The following GALNT13 variants were observed in gnomAD, a reference collection of about 807,000 sequenced individuals.
GALNT13 encodes the protein polypeptide N-acetylgalactosaminyltransferase 13.
GALNT13 carries 28 observed loss-of-function variants against 64.2 expected under a neutral mutation model. The observed-to-expected ratio is 0.44, with a 90% confidence interval of 0.32 to 0.60. The LOEUF is 0.60. GALNT13 is among the 20% of genes least tolerant of loss of function. The pLI is 0.05. For synonymous variants in GALNT13, 214 were observed against 224.6 expected (o/e 0.95, Z 0.42); for missense variants, 577 against 669.8 (o/e 0.86, Z 1.53).
chr2:153,283,103 G>A, the GALNT13 span, among the ~76,000 whole-genome samples: 1 of 152,124 alleles, frequency 6.6e-6, no homozygotes, highest in Admixed American at 6.5e-5. Context: ...ATCCATGGAG[G>A]GCTCAGTGGT....
intron 4 of GALNT13, among the ~76,000 whole-genome samples, chr2:154,221,586 GGTTCTCC>G (rs1688325652): frequency 2.0e-5 from 3 of 152,020 alleles, no homozygotes; most frequent in Admixed American, 2.0e-4. Flanking sequence ...AAGTGCAGTA[GGTTCTCC>G]TTAGAGAATG....
the GALNT13 span, among the ~76,000 whole-genome samples, chr2:153,643,675 C>T: frequency 6.6e-6 from 1 of 151,784 alleles, no homozygotes. Flanking sequence ...TAAGTCTGAT[C>T]TCATTTAGCA....
chr2:153,392,186 T>G, the GALNT13 span, among the ~76,000 whole-genome samples: 1 of 150,882 alleles, frequency 6.6e-6, no homozygotes, highest in Non-Finnish European at 1.5e-5. Flanking sequence ...ACAAACACAA[T>G]TACAGTACTT....
At chr2:154,390,312 T>C (rs915635161) in intron 9 of GALNT13, among the ~76,000 whole-genome samples, 5 of 152,148 alleles carry the variant, frequency 3.3e-5, no homozygotes, top group African/African-American at 1.2e-4. Flanking sequence ...GTTGTACAGA[T>C]TATTTTATCA....
chr2:154,207,297 G>A (rs192776776), intron 4 of GALNT13, among the ~76,000 whole-genome samples: 285 of 152,140 alleles, frequency 1.9e-3, no homozygotes, highest in African/African-American at 5.9e-3. Context: ...TCCATAACCT[G>A]CTCTTCTCCA....
chr2:154,005,650 T>G (rs1176537704), intron 3 of GALNT13, among the ~76,000 whole-genome samples: 1 of 152,180 alleles, frequency 6.6e-6, no homozygotes, highest in East Asian at 1.9e-4. Flanking sequence ...CAGCTTAAAT[T>G]GACTAATTCC....
the GALNT13 span, among the ~76,000 whole-genome samples, chr2:153,094,309 G>T: frequency 6.6e-6 from 1 of 151,748 alleles, no homozygotes; most frequent in Admixed American, 6.6e-5. Flanking sequence ...ATATGTTTTG[G>T]TATGTTGTGT....
At chr2:153,190,082 A>C in the GALNT13 span, among the ~76,000 whole-genome samples, 1 of 152,074 alleles carries the variant, frequency 6.6e-6, no homozygotes, top group South Asian at 2.1e-4. Context: ...GCTGTTGCAG[A>C]AGTTGTTTAG....
chr2:153,260,222 T>C, the GALNT13 span, among the ~76,000 whole-genome samples: 18 of 152,374 alleles, frequency 1.2e-4, no homozygotes, highest in South Asian at 3.5e-3. Context: ...TCTTTCTACT[T>C]AAGATATGAG....
the GALNT13 span, among the ~76,000 whole-genome samples, chr2:153,181,800 A>G: frequency 6.9e-6 from 1 of 145,940 alleles, no homozygotes; most frequent in African/African-American, 2.5e-5. Flanking sequence ...TTATATAAAT[A>G]TACTTACATA....
chr2:154,360,868 C>A (rs545661424), intron 9 of GALNT13, among the ~76,000 whole-genome samples: 107 of 151,786 alleles, frequency 7.0e-4, no homozygotes, highest in Non-Finnish European at 1.1e-3. Context: ...ATTAATCCAG[C>A]CAAAAAGGGT....
At chr2:153,303,941 G>A in the GALNT13 span, among the ~76,000 whole-genome samples, 1 of 151,942 alleles carries the variant, frequency 6.6e-6, no homozygotes, top group Non-Finnish European at 1.5e-5. Context: ...CATTGCCGGT[G>A]AGTACAATGC....
chr2:153,678,819 A>T, the GALNT13 span, among the ~76,000 whole-genome samples: 2 of 151,994 alleles, frequency 1.3e-5, no homozygotes, highest in Admixed American at 6.6e-5. Context: ...TTGTCAAGGG[A>T]CAGACAGGGG....
chr2:153,660,641 A>G, the GALNT13 span, among the ~76,000 whole-genome samples: 1 of 151,572 alleles, frequency 6.6e-6, no homozygotes, highest in African/African-American at 2.4e-5. Flanking sequence ...TGAAATATCT[A>G]TGGCTTACAA....
At chr2:154,122,505 C>CT (rs1401944767) in intron 3 of GALNT13, among the ~76,000 whole-genome samples, 1 of 151,862 alleles carries the variant, frequency 6.6e-6, no homozygotes, top group African/African-American at 2.4e-5. Flanking sequence ...AATTGGTATT[C>CT]TTTTTTCTTA....
intron 9 of GALNT13, among the ~76,000 whole-genome samples, chr2:154,353,110 C>A (rs1485232694): frequency 6.6e-6 from 1 of 152,084 alleles, no homozygotes; most frequent in Non-Finnish European, 1.5e-5. Flanking sequence ...TGTTGTGCAG[C>A]TTTTGTCAAG....
chr2:153,602,518 G>A, the GALNT13 span, among the ~76,000 whole-genome samples: 3 of 151,590 alleles, frequency 2.0e-5, no homozygotes, highest in African/African-American at 7.3e-5. Flanking sequence ...GAGGGAATTA[G>A]CCATGTGGAC....
At chr2:153,302,734 A>G in the GALNT13 span, among the ~76,000 whole-genome samples, 1 of 152,100 alleles carries the variant, frequency 6.6e-6, no homozygotes, top group Non-Finnish European at 1.5e-5. Flanking sequence ...TTTTTTGTAT[A>G]TGTTATGAGA....
At chr2:154,088,802 G>A (rs10186542) in intron 3 of GALNT13, among the ~76,000 whole-genome samples, 30,916 of 152,024 alleles carry the variant, frequency 0.2, 4,049 homozygotes, top group Middle Eastern at 0.32. Flanking sequence ...AAACATTTTT[G>A]CATAAAGTAT....
Sources: gnomAD v4.1 joint callset for allele counts (sites outside exome capture counted in the v4.1 genomes callset) on GRCh38, gnomAD v4.1.1 for gene constraint, MANE v1.5 for transcripts, NCBI Gene and HGNC (gene_info 2026-07-23, HGNC 2026-07-21) for gene names.